Variants in SLC22A2 observed in about 807,000 individuals in gnomAD.
SLC22A2 encodes solute carrier family 22 member 2, also known as organic cation transporter 2.
In SLC22A2, 46 loss-of-function variants were observed where a neutral mutation model predicts 60.5. That is an observed-to-expected ratio of 0.76 (90% CI 0.60 to 0.97). The LOEUF is 0.97. SLC22A2 is among the 50% of genes least tolerant of loss of function. SLC22A2 has a pLI of 0.00. For synonymous variants in SLC22A2, 303 were observed against 267.0 expected, an observed-to-expected ratio of 1.13 and a Z score of -1.31; for missense variants, 701 against 706.6, an observed-to-expected ratio of 0.99 and a Z score of 0.09.
At chr6:160,239,151 G>T (rs1330066549) in intron 9 of SLC22A2, among the ~76,000 whole-genome samples, 1 of 152,172 alleles carries the variant, frequency 6.6e-6, no homozygotes, top group Non-Finnish European at 1.5e-5. Context: ...TAATGCATTA[G>T]CATGTTAAAA....
intron 9 of SLC22A2, among the ~76,000 whole-genome samples, chr6:160,226,457 A>T (rs1034065980): frequency 6.6e-6 from 1 of 152,232 alleles, no homozygotes; most frequent in African/African-American, 2.4e-5. Flanking sequence ...GGGTGGTTAC[A>T]AAATCACCAA....
chr6:160,232,717 G>C (rs549724798), intron 9 of SLC22A2, among the ~76,000 whole-genome samples: 2 of 151,752 alleles, frequency 1.3e-5, no homozygotes, highest in East Asian at 1.9e-4. Context: ...CCATCAAAAG[G>C]CATCAGATCC....
At chr6:160,225,647 T>C (rs1244769302) in intron 9 of SLC22A2, among the ~76,000 whole-genome samples, 1 of 152,192 alleles carries the variant, frequency 6.6e-6, no homozygotes, top group African/African-American at 2.4e-5. Context: ...CTATATAAAT[T>C]GGGATAACAT....
chr6:160,255,493 G>C (rs891554924), intron 2 of SLC22A2, among the ~76,000 whole-genome samples: 1 of 152,148 alleles, frequency 6.6e-6, no homozygotes, highest in African/African-American at 2.4e-5. Flanking sequence ...AGTTGGGGAT[G>C]GCATGGGAGG....
At chr6:160,256,562 T>C in intron 2 of SLC22A2, 52 bp downstream of exon 2, 1 of 1,292,844 alleles carries the variant, frequency 7.7e-7, no homozygotes, top group South Asian at 1.2e-5. Flanking sequence ...CATCCAAGTG[T>C]TCTCCAAACC....
At chr6:160,236,242 C>T (rs1043147724) in intron 9 of SLC22A2, among the ~76,000 whole-genome samples, 9 of 152,152 alleles carry the variant, frequency 5.9e-5, no homozygotes, top group African/African-American at 2.2e-4. Context: ...TCAGGACTCT[C>T]AGGGAGAGGT....
rs142119942 is a variant in SLC22A2 at position 160,231,893 on chromosome 6, G to T, written c.1502-7089C>A. On this transcript the variant is annotated intron_variant, in intron 9 of 10. Coordinates refer to ENST00000366953, the MANE Select transcript of SLC22A2 (RefSeq NM_003058.4). ...AGCTGAAGTGCAGGGCTGTGTGGTC[G>T]GAATTCTTATACAAGGACCAGGACT... Among the ~76,000 whole-genome samples the T allele has an allele frequency of 1.3e-4, 20 of 151,868 alleles. No individual in the cohort carries two copies. In the East Asian group the frequency reaches 3.9e-3, roughly 29 times the overall value.
chr6:160,227,720 G>C (rs1247011279), intron 9 of SLC22A2, among the ~76,000 whole-genome samples: 1 of 152,232 alleles, frequency 6.6e-6, no homozygotes, highest in Non-Finnish European at 1.5e-5. Context: ...GGTAAAATAA[G>C]GCTGAGACTT....
chr6:160,233,480 C>G (rs1006974115), intron 9 of SLC22A2, among the ~76,000 whole-genome samples: 1 of 151,780 alleles, frequency 6.6e-6, no homozygotes, highest in Non-Finnish European at 1.5e-5. Context: ...AGCTCAGCCA[C>G]CAACTTTAAA....
chr6:160,239,503 G>A (rs1470976963), intron 9 of SLC22A2, among the ~76,000 whole-genome samples: 5 of 152,170 alleles, frequency 3.3e-5, no homozygotes, highest in Non-Finnish European at 5.9e-5. Flanking sequence ...TCTGGGTCAG[G>A]ACCTCTTTCC....
intron 9 of SLC22A2, among the ~76,000 whole-genome samples, chr6:160,231,462 C>T (rs911086713): frequency 6.6e-6 from 1 of 151,804 alleles, no homozygotes; most frequent in African/African-American, 2.4e-5. Flanking sequence ...AATCTAATCA[C>T]CCTTACCCTA....
At chr6:160,227,791 A>T (rs1433199176) in intron 9 of SLC22A2, among the ~76,000 whole-genome samples, 1 of 152,226 alleles carries the variant, frequency 6.6e-6, no homozygotes, top group Non-Finnish European at 1.5e-5. Context: ...GGAGGTCAGC[A>T]CAAGATACAG....
At chr6:160,224,906 T>A (rs1782699776) in intron 9 of SLC22A2, 102 bp from the exon 10 acceptor site, 2 of 563,858 alleles carry the variant, frequency 3.5e-6, no homozygotes, top group South Asian at 7.2e-5. Flanking sequence ...TTAGCATTTT[T>A]CTATACTTAT....
intron 9 of SLC22A2, among the ~76,000 whole-genome samples, chr6:160,233,069 C>CT (rs1335320018): frequency 2.0e-5 from 3 of 152,022 alleles, no homozygotes; most frequent in African/African-American, 4.8e-5. Flanking sequence ...TGCTATTCCA[C>CT]TACTCCCCAG....
intron 9 of SLC22A2, among the ~76,000 whole-genome samples, chr6:160,229,863 C>T (rs1782790592): frequency 6.6e-6 from 1 of 151,870 alleles, no homozygotes; most frequent in Admixed American, 6.5e-5. Context: ...GACAGTGGTT[C>T]CAAATAGCCA....
In SLC22A2 at chr6:160,245,289, C is replaced by T. The variant is rs550065735; in HGVS notation, c.1064+150G>A. Reference sequence around the variant, plus strand: ...TCTTAATATTTGCCCAAGAAAAACACGATCAGGAAAACCTACCAGACACAA... The same window carrying T: ...TCTTAATATTTGCCCAAGAAAAACATGATCAGGAAAACCTACCAGACACAA... On this transcript the variant is annotated intron_variant, in intron 6 of 10. Transcript: ENST00000366953. 58 of 505,914 alleles carry T rather than the reference C, an allele frequency of 1.1e-4. No homozygotes were observed. In the Admixed American group the frequency reaches 1.2e-3, roughly 10 times the overall value. The allele number at this position is 505,914 out of a possible 1,614,324, so 31.3% of individuals were successfully genotyped here.
intron 9 of SLC22A2, among the ~76,000 whole-genome samples, chr6:160,229,663 C>G (rs1023533544): frequency 1.3e-5 from 2 of 151,778 alleles, no homozygotes; most frequent in African/African-American, 4.9e-5. Flanking sequence ...CACTCCTTCT[C>G]TCTGTGTCTC....
At chr6:160,221,125 T>G (rs938438055) in intron 10 of SLC22A2, among the ~76,000 whole-genome samples, 2 of 152,224 alleles carry the variant, frequency 1.3e-5, no homozygotes, top group African/African-American at 4.8e-5. Flanking sequence ...GAAAATCTGT[T>G]GTTTAGTGTG....
At chr6:160,248,720 G>C (rs765752142) in intron 4 of SLC22A2, among the ~76,000 whole-genome samples, 1 of 152,146 alleles carries the variant, frequency 6.6e-6, no homozygotes, top group Non-Finnish European at 1.5e-5. Context: ...CTGATTGATT[G>C]GTATGGTCTG....
Sources: gnomAD v4.1 joint callset for allele counts (sites outside exome capture counted in the v4.1 genomes callset) on GRCh38, gnomAD v4.1.1 for gene constraint, MANE v1.5 for transcripts, NCBI Gene and HGNC (gene_info 2026-07-23, HGNC 2026-07-21) for gene names.